The following FNIP1 variants were observed in gnomAD, a reference collection of about 807,000 sequenced individuals.
FNIP1 encodes the protein folliculin-interacting protein 1.
Under a neutral mutation model 124.5 loss-of-function variants are expected in FNIP1, and 40 were observed. The ratio of observed to expected loss-of-function variants is 0.32; its 90% CI spans 0.25 to 0.42. The LOEUF is 0.42. Among genes scored for constraint, FNIP1 ranks in the 10% least tolerant of loss-of-function variants. FNIP1 has a pLI of 1.00. For missense variants in FNIP1, 1,176 were observed against 1,403.7 expected, an observed-to-expected ratio of 0.84 and a Z score of 2.59; for synonymous variants, 472 against 470.6, an observed-to-expected ratio of 1.00 and a Z score of -0.04.
At chr5:131,775,718 G>A (rs555480093) in intron 1 of FNIP1, among the ~76,000 whole-genome samples, 1 of 151,900 alleles carries the variant, frequency 6.6e-6, no homozygotes, top group East Asian at 1.9e-4. Flanking sequence ...AGTAGAGACG[G>A]GGTTTCACCA....
chr5:131,736,302 C>T lies in FNIP1; in HGVS notation c.220-5264G>A, dbSNP rs1017667466. Among the ~76,000 whole-genome samples, 9 of 152,226 alleles carry T rather than the reference C, an allele frequency of 5.9e-5. No individual in the cohort carries two copies. The South Asian group carries it at 8.3e-4, about 14-fold the overall frequency. Reference sequence around the variant, plus strand: ...TAATACTAAGCATGGTAGGTATTATCGATGCTATTTTACAGATGAGAAACG... The same window carrying T: ...TAATACTAAGCATGGTAGGTATTATTGATGCTATTTTACAGATGAGAAACG... On this transcript the variant is annotated intron_variant, in intron 2 of 17. Coordinates refer to ENST00000510461, the MANE Select transcript of FNIP1 (RefSeq NM_133372.3).
At chr5:131,783,045 G>A (rs181543803) in intron 1 of FNIP1, among the ~76,000 whole-genome samples, 39 of 152,348 alleles carry the variant, frequency 2.6e-4, no homozygotes, top group African/African-American at 8.9e-4. Flanking sequence ...ACAGACTACA[G>A]CGTAGTGTAA....
intron 2 of FNIP1, among the ~76,000 whole-genome samples, chr5:131,731,934 T>C (rs1479657865): frequency 6.6e-6 from 1 of 152,250 alleles, no homozygotes; most frequent in Non-Finnish European, 1.5e-5. Context: ...ACTATACATA[T>C]GTTTATTCTT....
At chr5:131,725,389 G>A (rs1267762828) in intron 3 of FNIP1, among the ~76,000 whole-genome samples, 1 of 152,154 alleles carries the variant, frequency 6.6e-6, no homozygotes, top group Non-Finnish European at 1.5e-5. Flanking sequence ...GCAGTGGTTT[G>A]TAGTTCTCCT....
chr5:131,669,888 T>C (rs1312914063), intron 15 of FNIP1, among the ~76,000 whole-genome samples: 1 of 148,110 alleles, frequency 6.8e-6, no homozygotes, highest in Non-Finnish European at 1.5e-5. Context: ...TGCAACATTG[T>C]ATTGAAAATT....
intron 11 of FNIP1, among the ~76,000 whole-genome samples, chr5:131,689,402 T>C (rs2149524163): frequency 6.6e-6 from 1 of 152,328 alleles, no homozygotes; most frequent in Admixed American, 6.5e-5. Context: ...AAATAAAGTC[T>C]TTCATTTTCC....
At chr5:131,657,484 T>A (rs527352866) in intron 15 of FNIP1, among the ~76,000 whole-genome samples, 15 of 152,024 alleles carry the variant, frequency 9.9e-5, no homozygotes, top group African/African-American at 3.4e-4. Context: ...CAGGGTGCCA[T>A]AAGGACCATT....
At chr5:131,653,791 G>GA (rs1267860182) in intron 15 of FNIP1, among the ~76,000 whole-genome samples, 6 of 151,956 alleles carry the variant, frequency 3.9e-5, no homozygotes, top group Non-Finnish European at 8.8e-5. Context: ...GCCTAGGCTG[G>GA]AGTACAGTGG....
At chr5:131,728,083 A>G (rs1268692890) in intron 3 of FNIP1, among the ~76,000 whole-genome samples, 1 of 152,068 alleles carries the variant, frequency 6.6e-6, no homozygotes, top group Non-Finnish European at 1.5e-5. Flanking sequence ...TGTATAACCC[A>G]ATGTTTCTCT....
chr5:131,679,871 A>G (rs189387037), intron 11 of FNIP1, among the ~76,000 whole-genome samples: 17 of 152,340 alleles, frequency 1.1e-4, no homozygotes, highest in African/African-American at 1.4e-4. Context: ...CAAGATGTTA[A>G]TTATTTTCTT....
chr5:131,664,395 G>A (rs1196892672), intron 15 of FNIP1, among the ~76,000 whole-genome samples: 1 of 152,086 alleles, frequency 6.6e-6, no homozygotes, highest in Non-Finnish European at 1.5e-5. Flanking sequence ...AGATTTTTGG[G>A]AGGCCGAGGT....
chr5:131,692,420 G>T (rs1768512842), intron 11 of FNIP1, among the ~76,000 whole-genome samples: 1 of 151,068 alleles, frequency 6.6e-6, no homozygotes, highest in African/African-American at 2.4e-5. Flanking sequence ...CTAAATAAAT[G>T]GGAATAGTTT....
chr5:131,779,802 G>T (rs994479089), intron 1 of FNIP1, among the ~76,000 whole-genome samples: 1 of 151,894 alleles, frequency 6.6e-6, no homozygotes, highest in Non-Finnish European at 1.5e-5. Context: ...AATAAGGTGG[G>T]GGAAAAATGA....
At chr5:131,767,427 C>CAAAAAAAAAAAAAAAAA (rs139550903) in intron 1 of FNIP1, among the ~76,000 whole-genome samples, 2 of 63,992 alleles carry the variant, frequency 3.1e-5, no homozygotes, top group African/African-American at 5.0e-5. Context: ...GATTCTGTCT[C>CAAAAAAAAAAAAAAAAA]AAAAAAAAAA....
intron 2 of FNIP1, 143 bp downstream of exon 2, chr5:131,744,421 A>G: frequency 1.3e-6 from 1 of 742,014 alleles, no homozygotes; most frequent in Non-Finnish European, 2.0e-6. Context: ...TCAAAATGTT[A>G]GATTCACCAA....
At chr5:131,755,126 A>G (rs1415728671) in intron 1 of FNIP1, among the ~76,000 whole-genome samples, 1 of 152,168 alleles carries the variant, frequency 6.6e-6, no homozygotes, top group Non-Finnish European at 1.5e-5. Context: ...CGATTGATGA[A>G]AAATGGTCTG....
chr5:131,728,123 T>C (rs1165813560), intron 3 of FNIP1, among the ~76,000 whole-genome samples: 3 of 152,188 alleles, frequency 2.0e-5, no homozygotes, highest in Non-Finnish European at 2.9e-5. Flanking sequence ...TTTCCTTCAT[T>C]TCAACCTTGG....
chr5:131,710,747 G>T, intron 6 of FNIP1, 86 bp from the exon 7 acceptor site: 1 of 1,091,154 alleles, frequency 9.2e-7, no homozygotes. Flanking sequence ...AGCTAAGGCA[G>T]CACAAGAGCA....
chr5:131,650,195 A>G (rs1230278693), intron 16 of FNIP1, among the ~76,000 whole-genome samples: 1 of 152,198 alleles, frequency 6.6e-6, no homozygotes, highest in Non-Finnish European at 1.5e-5. Flanking sequence ...TTCAATCTGT[A>G]GATAACTTTG....
Sources: allele counts gnomAD v4.1 joint callset (sites outside exome capture counted in the v4.1 genomes callset), GRCh38; gene constraint gnomAD v4.1.1; transcripts MANE v1.5; gene names NCBI Gene and HGNC (gene_info 2026-07-23, HGNC 2026-07-21).